Variants in PLCB1 observed in about 807,000 individuals in gnomAD.
PLCB1 encodes phospholipase C beta 1.
PLCB1 carries 46 observed loss-of-function variants against 161.8 expected under a neutral mutation model. The observed-to-expected ratio is 0.28, with a 90% confidence interval of 0.22 to 0.36. The LOEUF (loss-of-function observed/expected upper bound fraction) is 0.36. Among genes scored for constraint, PLCB1 ranks in the 10% least tolerant of loss-of-function variants. PLCB1 has a pLI of 1.00. For synonymous variants in PLCB1, 517 were observed against 503.7 expected, an observed-to-expected ratio of 1.03 and a Z score of -0.35; for missense variants, 1,016 against 1,472.5, an observed-to-expected ratio of 0.69 and a Z score of 5.07.
intron 1 of PLCB1, among the ~76,000 whole-genome samples, chr20:8,138,222 T>G (rs2051368341): frequency 6.6e-6 from 1 of 152,264 alleles, no homozygotes; most frequent in Non-Finnish European, 1.5e-5. Flanking sequence ...GCTATTAGTT[T>G]CATTTGAAAG....
chr20:8,295,470 G>T (rs1983584877), intron 2 of PLCB1, among the ~76,000 whole-genome samples: 1 of 151,906 alleles, frequency 6.6e-6, no homozygotes, highest in Non-Finnish European at 1.5e-5. Context: ...AGTTTCCAGG[G>T]CAAAAATCTT....
intron 3 of PLCB1, among the ~76,000 whole-genome samples, chr20:8,509,239 A>T (rs2050089): frequency 6.6e-6 from 1 of 151,826 alleles, no homozygotes; most frequent in Admixed American, 6.6e-5. Context: ...GTGACCCCCC[A>T]CAAGTTCCTT....
chr20:8,724,719 C>T lies in PLCB1; in HGVS notation c.1645C>T (p.Pro549Ser). Residue 549 changes from proline (P) to serine (S), a missense_variant, in exon 16 of 32, where the codon CCA (proline) becomes TCA (serine). Around this residue, in one of 10 missense-constraint regions of PLCB1, gnomAD observed 109 missense variants for 129.7 expected, o/e 0.84. Coordinates refer to ENST00000338037, the MANE Select transcript of PLCB1 (RefSeq NM_015192.4). ...GTCTAATCTGGTGAACTATATTCAG[C>T]CAGTCAAGTTTGAGTCATTTGAAAT... is the stretch of plus-strand genomic sequence containing the variant. Reference protein sequence around the residue: ...EMSNLVNYIQPVKFESFEISK... With the variant: ...EMSNLVNYIQSVKFESFEISK... 1 of 1,610,692 alleles carries T rather than the reference C, an allele frequency of 6.2e-7. No individual in the cohort carries two copies. Among genetic ancestry groups the T allele is most frequent in the Non-Finnish European group, 8.5e-7 (1 of 1,177,292 alleles).
At chr20:8,747,338 T>G (rs775323403) in intron 23 of PLCB1, among the ~76,000 whole-genome samples, 3 of 152,244 alleles carry the variant, frequency 2.0e-5, no homozygotes, top group Non-Finnish European at 2.9e-5. Context: ...TTGCCAAGCA[T>G]TCATTTCCAT....
At chr20:8,416,071 A>G (rs1979256552) in intron 3 of PLCB1, among the ~76,000 whole-genome samples, 1 of 152,184 alleles carries the variant, frequency 6.6e-6, no homozygotes, top group South Asian at 2.1e-4. Context: ...AGGGAACACT[A>G]AAAATAGCCT....
At chr20:8,388,968 G>T (rs1178275371) in intron 3 of PLCB1, among the ~76,000 whole-genome samples, 3 of 152,116 alleles carry the variant, frequency 2.0e-5, no homozygotes, top group Non-Finnish European at 4.4e-5. Context: ...TTAAGGAATG[G>T]TTCCCTTGGC....
At chr20:8,147,131 C>T in intron 1 of PLCB1, among the ~76,000 whole-genome samples, 1 of 152,068 alleles carries the variant, frequency 6.6e-6, no homozygotes, top group East Asian at 1.9e-4. Context: ...GTAAGTGTGG[C>T]CCCTGGACCA....
chr20:8,640,378 T>G (rs1988911199), intron 4 of PLCB1, among the ~76,000 whole-genome samples: 1 of 152,318 alleles, frequency 6.6e-6, no homozygotes, highest in East Asian at 1.9e-4. Flanking sequence ...TTTAAAATCC[T>G]TTTTTATGTG....
At chr20:8,380,693 G>A (rs1433729504) in intron 3 of PLCB1, among the ~76,000 whole-genome samples, 1 of 151,984 alleles carries the variant, frequency 6.6e-6, no homozygotes, top group African/African-American at 2.4e-5. Context: ...GGTATTTTAT[G>A]CTCTTTGTAG....
intron 14 of PLCB1, among the ~76,000 whole-genome samples, chr20:8,718,572 C>T (rs1046833042): frequency 6.6e-6 from 1 of 152,204 alleles, no homozygotes; most frequent in African/African-American, 2.4e-5. Flanking sequence ...TCACATCTCC[C>T]TCTGACCACA....
At chr20:8,711,642 CT>C (rs1320088960) in intron 12 of PLCB1, among the ~76,000 whole-genome samples, 9 of 152,160 alleles carry the variant, frequency 5.9e-5, no homozygotes, top group Non-Finnish European at 1.0e-4. Context: ...TCATATTTCC[CT>C]TGTCCTTCAG....
chr20:8,398,670 A>G (rs754215818), intron 3 of PLCB1, among the ~76,000 whole-genome samples: 9 of 152,108 alleles, frequency 5.9e-5, no homozygotes, highest in Non-Finnish European at 1.2e-4. Context: ...CCTACCTCCA[A>G]CGCCCTATCA....
chr20:8,288,365 C>A (rs555412298), intron 2 of PLCB1, among the ~76,000 whole-genome samples: 1 of 152,076 alleles, frequency 6.6e-6, no homozygotes. Context: ...TTTTGTCAGA[C>A]GGTCTAGAAG....
At chr20:8,692,779 G>A (rs1009861841) in intron 10 of PLCB1, among the ~76,000 whole-genome samples, 1 of 152,108 alleles carries the variant, frequency 6.6e-6, no homozygotes, top group Admixed American at 6.6e-5. Context: ...AGGACATGGC[G>A]AAAGTTCTTG....
At chr20:8,225,872 TG>T (rs1448208346) in intron 2 of PLCB1, among the ~76,000 whole-genome samples, 7 of 152,270 alleles carry the variant, frequency 4.6e-5, no homozygotes, top group African/African-American at 1.7e-4. Context: ...AGTTTATCTT[TG>T]TTTAAGCTGA....
intron 3 of PLCB1, among the ~76,000 whole-genome samples, chr20:8,553,914 A>G (rs1038171435): frequency 1.3e-5 from 2 of 152,026 alleles, no homozygotes. Flanking sequence ...AGGCAGAATA[A>G]TCATTTGAAC....
At chr20:8,482,975 T>C (rs1470912792) in intron 3 of PLCB1, among the ~76,000 whole-genome samples, 2 of 151,780 alleles carry the variant, frequency 1.3e-5, no homozygotes, top group African/African-American at 4.8e-5. Context: ...GAAATGATGG[T>C]GGGAAAAAAT....
intron 3 of PLCB1, among the ~76,000 whole-genome samples, chr20:8,472,320 GC>G (rs1184574961): frequency 6.6e-6 from 1 of 151,812 alleles, no homozygotes. Flanking sequence ...TTATTTATTT[GC>G]TTTCATACAT....
intron 3 of PLCB1, among the ~76,000 whole-genome samples, chr20:8,467,387 C>G (rs1981868505): frequency 6.6e-6 from 1 of 152,144 alleles, no homozygotes; most frequent in African/African-American, 2.4e-5. Context: ...AATCAAAGGG[C>G]TCCATGGATA....
Sources: gnomAD v4.1 joint callset for allele counts (sites outside exome capture counted in the v4.1 genomes callset) on GRCh38, gnomAD v4.1.1 for gene constraint, gnomAD v4.1.1 regional missense constraint, MANE v1.5 for transcripts, NCBI Gene and HGNC (gene_info 2026-07-23, HGNC 2026-07-21) for gene names.